Variants in SLC24A2 observed in about 807,000 individuals in gnomAD.
SLC24A2 encodes the protein solute carrier family 24 member 2.
A neutral mutation model predicts 62.0 loss-of-function variants in SLC24A2; 36 were observed. That is an observed-to-expected ratio of 0.58 (90% CI 0.44 to 0.77). SLC24A2 has a LOEUF of 0.77. Among genes scored for constraint, SLC24A2 ranks in the 30% least tolerant of loss-of-function variants. The pLI, the probability that SLC24A2 is intolerant of heterozygous loss-of-function variation, is 0.00. For missense variants in SLC24A2, 846 were observed against 817.9 expected, an observed-to-expected ratio of 1.03 and a Z score of -0.42; for synonymous variants, 358 against 294.0, an observed-to-expected ratio of 1.22 and a Z score of -2.23.
At chr9:20,202,267 G>A in the SLC24A2 span, among the ~76,000 whole-genome samples, 1 of 152,196 alleles carries the variant, frequency 6.6e-6, no homozygotes, top group Non-Finnish European at 1.5e-5. Flanking sequence ...GAAGGACTGA[G>A]GACTGCTTGT....
chr9:20,232,797 C>T, the SLC24A2 span, among the ~76,000 whole-genome samples: 2 of 149,444 alleles, frequency 1.3e-5, no homozygotes, highest in East Asian at 4.0e-4. Context: ...GTGCTTTTCT[C>T]GTTCTTTTAA....
At chr9:20,296,089 G>A in the SLC24A2 span, among the ~76,000 whole-genome samples, 1 of 152,172 alleles carries the variant, frequency 6.6e-6, no homozygotes, top group Admixed American at 6.5e-5. Context: ...AAAGATAAAA[G>A]TTTAAAACTA....
chr9:19,856,646 G>T, the SLC24A2 span, among the ~76,000 whole-genome samples: 1 of 152,172 alleles, frequency 6.6e-6, no homozygotes, highest in African/African-American at 2.4e-5. Flanking sequence ...GAATAGCAAA[G>T]ATGACTGCTT....
chr9:20,231,429 C>T, the SLC24A2 span, among the ~76,000 whole-genome samples: 5 of 152,152 alleles, frequency 3.3e-5, no homozygotes, highest in African/African-American at 9.7e-5. Context: ...GTTTGTAGTT[C>T]TCCTTGAAGA....
At chr9:19,664,561 G>T (rs761898986) in intron 2 of SLC24A2, among the ~76,000 whole-genome samples, 7 of 152,188 alleles carry the variant, frequency 4.6e-5, no homozygotes, top group Non-Finnish European at 1.0e-4. Context: ...CTCCCCAAAA[G>T]ATATGTTGAA....
At chr9:19,831,970 T>G in the SLC24A2 span, among the ~76,000 whole-genome samples, 1 of 152,250 alleles carries the variant, frequency 6.6e-6, no homozygotes, top group African/African-American at 2.4e-5. Flanking sequence ...ATAGCATTGC[T>G]GATCCAGCAT....
chr9:20,077,790 T>G, the SLC24A2 span, among the ~76,000 whole-genome samples: 1 of 152,236 alleles, frequency 6.6e-6, no homozygotes, highest in Admixed American at 6.5e-5. Context: ...TCATCCCTGG[T>G]AATCCTTTCT....
At chr9:20,275,382 G>C in the SLC24A2 span, among the ~76,000 whole-genome samples, 19 of 152,312 alleles carry the variant, frequency 1.2e-4, no homozygotes, top group African/African-American at 4.3e-4. Context: ...CCTGAGGCCT[G>C]GTGGTTCTAT....
chr9:20,083,269 C>G, the SLC24A2 span, among the ~76,000 whole-genome samples: 2 of 152,210 alleles, frequency 1.3e-5, no homozygotes, highest in Non-Finnish European at 2.9e-5. Flanking sequence ...CTTTGGGGCT[C>G]CAGGGAGGAC....
chr9:20,199,449 C>G, the SLC24A2 span, among the ~76,000 whole-genome samples: 3 of 152,154 alleles, frequency 2.0e-5, no homozygotes, highest in African/African-American at 7.2e-5. Context: ...GCTTCTTAAC[C>G]ATTGGCATCT....
chr9:20,098,370 CTT>C, the SLC24A2 span, among the ~76,000 whole-genome samples: 1 of 152,186 alleles, frequency 6.6e-6, no homozygotes, highest in African/African-American at 2.4e-5. Flanking sequence ...TGCCCAAACT[CTT>C]TTCAGGTGCT....
intron 8 of SLC24A2, among the ~76,000 whole-genome samples, chr9:19,533,995 T>C (rs1192262262): frequency 1.1e-5 from 1 of 94,116 alleles, no homozygotes; most frequent in Non-Finnish European, 2.2e-5. Context: ...GTAGGATCAC[T>C]TTAAATGTGC....
At chr9:19,659,045 T>C (rs1433428410) in intron 2 of SLC24A2, among the ~76,000 whole-genome samples, 3 of 152,174 alleles carry the variant, frequency 2.0e-5, no homozygotes, top group Admixed American at 2.0e-4. Flanking sequence ...TACTTTAGGA[T>C]GCAATCTTAT....
the SLC24A2 span, among the ~76,000 whole-genome samples, chr9:20,215,199 C>A: frequency 6.6e-6 from 1 of 152,178 alleles, no homozygotes; most frequent in Non-Finnish European, 1.5e-5. Flanking sequence ...AGCTAGCTCT[C>A]TTGGGTCTCT....
At chr9:20,124,038 G>T in the SLC24A2 span, among the ~76,000 whole-genome samples, 1 of 152,134 alleles carries the variant, frequency 6.6e-6, no homozygotes, top group Non-Finnish European at 1.5e-5. Flanking sequence ...AGCATGAAAA[G>T]TTGTTTTGTG....
chr9:20,253,085 C>T, the SLC24A2 span, among the ~76,000 whole-genome samples: 1 of 152,192 alleles, frequency 6.6e-6, no homozygotes, highest in Non-Finnish European at 1.5e-5. Context: ...GCAATTACCC[C>T]TATAGTGGGA....
chr9:20,028,439 G>T, the SLC24A2 span, among the ~76,000 whole-genome samples: 3 of 151,930 alleles, frequency 2.0e-5, no homozygotes, highest in African/African-American at 7.3e-5. Flanking sequence ...TTTATTTTTT[G>T]CTCAAACACC....
the SLC24A2 span, among the ~76,000 whole-genome samples, chr9:20,299,539 C>A: frequency 6.6e-6 from 1 of 152,188 alleles, no homozygotes; most frequent in African/African-American, 2.4e-5. Flanking sequence ...AGTGACTCTA[C>A]CCCAGTTTGT....
At chr9:19,641,229 TCTCAGTCTTGGGAA>T (rs1818484299) in intron 2 of SLC24A2, among the ~76,000 whole-genome samples, 1 of 152,218 alleles carries the variant, frequency 6.6e-6, no homozygotes, top group Non-Finnish European at 1.5e-5. Flanking sequence ...TTTACTGACT[TCTCAGTCTTGGGAA>T]CTCTGCCCTC....
Sources: allele counts gnomAD v4.1 joint callset (sites outside exome capture counted in the v4.1 genomes callset), GRCh38; gene constraint gnomAD v4.1.1; transcripts MANE v1.5; gene names NCBI Gene and HGNC (gene_info 2026-07-23, HGNC 2026-07-21).